Variants in COL24A1 observed in about 807,000 individuals in gnomAD.
The protein encoded by COL24A1 is collagen alpha-1(XXIV) chain.
Under a neutral mutation model 253.9 loss-of-function variants are expected in COL24A1, and 224 were observed. That is an observed-to-expected ratio of 0.88 (90% CI 0.79 to 0.99). The LOEUF (loss-of-function observed/expected upper bound fraction) is 0.99. Ranked by LOEUF, COL24A1 falls within the 50% of genes least tolerant of loss-of-function variation. COL24A1 has a pLI of 0.00. For missense variants in COL24A1, 2,131 were observed against 2,068.5 expected, an observed-to-expected ratio of 1.03 and a Z score of -0.59; for synonymous variants, 685 against 673.7, an observed-to-expected ratio of 1.02 and a Z score of -0.26.
intron 37 of COL24A1, among the ~76,000 whole-genome samples, chr1:85,868,169 T>C (rs1443035340): frequency 6.6e-6 from 1 of 152,216 alleles, no homozygotes; most frequent in Non-Finnish European, 1.5e-5. Context: ...TTGCAAAGAA[T>C]TTCTTGTTTC....
intron 10 of COL24A1, among the ~76,000 whole-genome samples, chr1:86,056,257 T>C (rs1411460912): frequency 1.3e-5 from 2 of 152,190 alleles, no homozygotes; most frequent in Admixed American, 6.5e-5. Flanking sequence ...CATTATGTGA[T>C]TACTTAATGC....
intron 32 of COL24A1, among the ~76,000 whole-genome samples, chr1:85,886,429 G>A (rs1447589100): frequency 6.6e-6 from 1 of 151,632 alleles, no homozygotes; most frequent in Non-Finnish European, 1.5e-5. Context: ...ACTTTGGGAG[G>A]CAGAGGCGGG....
intron 35 of COL24A1, among the ~76,000 whole-genome samples, chr1:85,872,053 A>T (rs1680570841): frequency 1.3e-5 from 2 of 152,164 alleles, no homozygotes; most frequent in South Asian, 4.1e-4. Context: ...ATACACCAAT[A>T]ACAGACAAAC....
chr1:85,884,852 C>T (rs766888280), intron 32 of COL24A1, among the ~76,000 whole-genome samples: 7 of 152,164 alleles, frequency 4.6e-5, no homozygotes, highest in Non-Finnish European at 7.4e-5. Flanking sequence ...TTTTCTCTAT[C>T]TTTAAAGTAA....
chr1:85,924,772 T>A (rs1686984153), intron 24 of COL24A1, among the ~76,000 whole-genome samples: 1 of 152,178 alleles, frequency 6.6e-6, no homozygotes, highest in Non-Finnish European at 1.5e-5. Context: ...AAGACAGAGA[T>A]GCCCTCTCTC....
At chr1:85,758,143 C>T (rs1170173178) in intron 55 of COL24A1, among the ~76,000 whole-genome samples, 1 of 151,960 alleles carries the variant, frequency 6.6e-6, no homozygotes, top group Admixed American at 6.6e-5. Context: ...TGAAGAGAAG[C>T]GTTATTTTTT....
chr1:85,778,879 C>T (rs1260478600), intron 52 of COL24A1, among the ~76,000 whole-genome samples: 2 of 152,180 alleles, frequency 1.3e-5, no homozygotes, highest in African/African-American at 4.8e-5. Flanking sequence ...GCTGGGATTA[C>T]AAGCATGAGC....
At chr1:85,945,015 T>TTTTTTTGTTTG (rs1689159794) in intron 24 of COL24A1, among the ~76,000 whole-genome samples, 1 of 82,994 alleles carries the variant, frequency 1.2e-5, no homozygotes, top group Non-Finnish European at 2.4e-5. Context: ...TTTTTTTTTT[T>TTTTTTTGTTTG]TTTTTTTTTT....
intron 7 of COL24A1, among the ~76,000 whole-genome samples, chr1:86,087,070 A>C (rs1054149351): frequency 2.6e-5 from 4 of 152,008 alleles, no homozygotes; most frequent in Non-Finnish European, 2.9e-5. Context: ...ACCTTATCTC[A>C]AGAAGATCCT....
At chr1:85,870,230 T>A (rs1680300706) in intron 35 of COL24A1, among the ~76,000 whole-genome samples, 1 of 152,068 alleles carries the variant, frequency 6.6e-6, no homozygotes, top group African/African-American at 2.4e-5. Context: ...AGACTTAGAC[T>A]CCCACACAAT....
At chr1:85,870,105 A>G (rs1680275818) in intron 35 of COL24A1, among the ~76,000 whole-genome samples, 1 of 152,238 alleles carries the variant, frequency 6.6e-6, no homozygotes. Flanking sequence ...AAAGAGGGCC[A>G]TTACATAATG....
intron 37 of COL24A1, among the ~76,000 whole-genome samples, chr1:85,855,885 T>G (rs188584703): frequency 2.0e-4 from 31 of 152,184 alleles, no homozygotes; most frequent in Admixed American, 5.9e-4. Context: ...ATTATTGGTC[T>G]GCTCAGGGTT....
Position 86,126,049 on chromosome 1 carries a change from T to C in COL24A1, c.287A>G (p.Lys96Arg). 1.9e-6 allele frequency: 3 copies of C among 1,613,632 alleles called. No homozygotes were observed. The highest frequency in any genetic ancestry group is 2.5e-6 in the Non-Finnish European group (3 of 1,179,788). The change falls in exon 3 of 60, where the codon AAA becomes AGA. Residue 96 changes from lysine (K) to arginine (R), a missense_variant. By Grantham distance (26) the Lys-to-Arg change is conservative. Transcript: ENST00000370571. ...CTGCCCCAAGTTGACTGGTAAAATTTTCACGAAAGGTGTCTCGATATAAGC... is the reference window on the plus strand; with the variant it reads ...CTGCCCCAAGTTGACTGGTAAAATTCTCACGAAAGGTGTCTCGATATAAGC... Reference protein sequence around the residue: ...NDAYIETPFVKILPVNLGQPF... With the variant: ...NDAYIETPFVRILPVNLGQPF...
chr1:85,826,295 G>T (rs1674328992), intron 43 of COL24A1, among the ~76,000 whole-genome samples: 1 of 147,640 alleles, frequency 6.8e-6, no homozygotes, highest in South Asian at 2.3e-4. Context: ...TCTCTGTTTT[G>T]GTAACAGTAC....
chr1:86,016,161 A>C (rs1696974677), intron 19 of COL24A1, among the ~76,000 whole-genome samples: 1 of 151,954 alleles, frequency 6.6e-6, no homozygotes, highest in South Asian at 2.1e-4. Context: ...CACCATGCCC[A>C]GCCTGCTTTT....
At chr1:86,004,909 T>G (rs1695792890) in intron 19 of COL24A1, among the ~76,000 whole-genome samples, 1 of 152,226 alleles carries the variant, frequency 6.6e-6, no homozygotes, top group East Asian at 1.9e-4. Context: ...GAAGCAAGAC[T>G]GCTTCAATCC....
intron 7 of COL24A1, among the ~76,000 whole-genome samples, chr1:86,081,159 C>T (rs1365626769): frequency 1.3e-5 from 2 of 152,100 alleles, no homozygotes; most frequent in Non-Finnish European, 2.9e-5. Context: ...TGTTTGCCTT[C>T]TTGTTGTTGT....
intron 24 of COL24A1, among the ~76,000 whole-genome samples, chr1:85,935,308 T>G (rs1688168199): frequency 6.8e-6 from 1 of 147,664 alleles, no homozygotes; most frequent in Non-Finnish European, 1.5e-5. Context: ...TAAAGTTGAC[T>G]ATGCATAGGA....
intron 24 of COL24A1, among the ~76,000 whole-genome samples, chr1:85,923,465 A>C (rs1172075858): frequency 2.0e-5 from 3 of 152,228 alleles, no homozygotes; most frequent in African/African-American, 7.2e-5. Flanking sequence ...ATCACAATAA[A>C]CTCTCTCTCA....
Sources: gnomAD v4.1 joint callset for allele counts (sites outside exome capture counted in the v4.1 genomes callset) on GRCh38, gnomAD v4.1.1 for gene constraint, MANE v1.5 for transcripts, NCBI Gene and HGNC (gene_info 2026-07-23, HGNC 2026-07-21) for gene names.